Variants in DNAJC19 observed in about 807,000 individuals in gnomAD.
The protein encoded by DNAJC19 is DnaJ heat shock protein family (Hsp40) member C19.
Under a neutral mutation model 19.8 loss-of-function variants are expected in DNAJC19, and 15 were observed. The observed-to-expected ratio is 0.76, with a 90% CI of 0.51 to 1.17. The LOEUF is 1.17. Ranked by LOEUF, DNAJC19 falls within the 50% of genes most tolerant of loss-of-function variation. The pLI, the probability that DNAJC19 is intolerant of heterozygous loss-of-function variation, is 0.00. For synonymous variants in DNAJC19, 38 were observed against 42.1 expected (o/e 0.90, Z 0.38); for missense variants, 105 against 140.9 (o/e 0.75, Z 1.29).
chr3:180,984,921 G>A (rs555681445), intron 5 of DNAJC19, among the ~76,000 whole-genome samples: 3 of 152,188 alleles, frequency 2.0e-5, no homozygotes, highest in South Asian at 2.1e-4. Flanking sequence ...AGTAATTTAC[G>A]TGGGAGATAT....
upstream of DNAJC19, chr3:180,989,812 A>T (rs1181499998): frequency 1.2e-6 from 1 of 821,132 alleles, no homozygotes; most frequent in Non-Finnish European, 2.0e-6. Context: ...TCGCTCAAGC[A>T]GTGGACAGAG....
intron 3 of DNAJC19, chr3:180,987,741 T>C (rs958471408): frequency 1.1e-5 from 5 of 461,732 alleles, no homozygotes; most frequent in Non-Finnish European, 4.0e-6. Context: ...AACAAGAATA[T>C]GTACAGATGA....
At chr3:180,984,854 T>G (rs762279722) in intron 5 of DNAJC19, 144 bp from the exon 6 acceptor site, 12 of 596,592 alleles carry the variant, frequency 2.0e-5, no homozygotes, top group Non-Finnish European at 3.0e-6. Context: ...AAAATAACCC[T>G]GACACTGCAA....
At chr3:180,989,504 T>G (rs1715107093) in intron 1 of DNAJC19, 96 bp downstream of exon 1, 1 of 1,549,898 alleles carries the variant, frequency 6.5e-7, no homozygotes, top group African/African-American at 1.4e-5. Flanking sequence ...GCAGTCGCAC[T>G]AAGGAGCACA....
At chr3:180,984,868 G>A (rs1038058260) in intron 5 of DNAJC19, among the ~76,000 whole-genome samples, 158 bp from the exon 6 acceptor site, 3 of 152,062 alleles carry the variant, frequency 2.0e-5, no homozygotes, top group Non-Finnish European at 4.4e-5. Flanking sequence ...ACTGCAACTG[G>A]ATGACCAAAT....
At chr3:180,986,893 A>T (rs1324307761) in intron 4 of DNAJC19, 50 bp downstream of exon 4, 1 of 1,473,494 alleles carries the variant, frequency 6.8e-7, no homozygotes, top group Non-Finnish European at 9.5e-7. Context: ...ATATTTCCTC[A>T]TGGCTCTACA....
chr3:180,986,707 G>A (rs987912832), intron 4 of DNAJC19: 2 of 517,786 alleles, frequency 3.9e-6, no homozygotes, highest in East Asian at 6.4e-5. Context: ...AAACACTCTA[G>A]GAAAAAAGAA....
Position 180,986,928 on chromosome 3 carries a change from TAGAG to T in DNAJC19, c.209+11_209+14del, listed in dbSNP as rs1714939961. 6.2e-7 allele frequency: 1 copy of T among 1,606,174 alleles called. No individual in the cohort carries two copies. The highest frequency in any genetic ancestry group is 1.3e-5 in the African/African-American group (1 of 74,750). ...AGTGGTAGAAAAATGCTAAAAATAT[TAGAG>T]ATTATTTTACCTTACACCTAGTATT... On this transcript the variant is annotated intron_variant, in intron 4 of 5. Transcript: ENST00000382564.
At chr3:180,986,374 C>T (rs913016288) in intron 4 of DNAJC19, among the ~76,000 whole-genome samples, 10 of 151,872 alleles carry the variant, frequency 6.6e-5, no homozygotes, top group Non-Finnish European at 1.3e-4. Flanking sequence ...CTCGGCCTCC[C>T]GGGTTCAAGC....
chr3:180,989,641 G>A lies in DNAJC19; in HGVS notation c.-39C>T, dbSNP rs972600083. ...CTCCCTTGCTTCCACCGGGAGCACG[G>A]CTCATCCCAGCTCAGAGGCCGCGGC... On this transcript the variant is annotated 5_prime_UTR_variant, in exon 1 of 6. Transcript: ENST00000382564. 3.2e-6 allele frequency: 5 copies of A among 1,578,852 alleles called. No homozygotes were observed. Among genetic ancestry groups the A allele is most frequent in the Admixed American group, 1.8e-5 (1 of 54,984 alleles).
chr3:180,989,230 G>A, intron 1 of DNAJC19: 1 of 989,904 alleles, frequency 1.0e-6, no homozygotes, highest in South Asian at 2.3e-5. Context: ...CAAAGAGAAG[G>A]ACATAGCAAA....
In DNAJC19 at chr3:180,988,104, C is replaced by T; in HGVS notation, c.56-8G>A. Reference sequence around the variant, plus strand: ...CTTGCAAAACGTAACGGCCTAAAACCAAAAGCAACAGAATAAGTAAACTAA... The same window carrying T: ...CTTGCAAAACGTAACGGCCTAAAACTAAAAGCAACAGAATAAGTAAACTAA... On this transcript the variant is annotated splice_region_variant and splice_polypyrimidine_tract_variant and intron_variant, in intron 2 of 5. Transcript: ENST00000382564. The T allele has an allele frequency of 1.2e-6, 2 of 1,614,136 alleles. No individual in the cohort carries two copies. The highest frequency in any genetic ancestry group is 1.7e-6 in the Non-Finnish European group (2 of 1,180,034).
intron 4 of DNAJC19, chr3:180,986,732 C>A (rs116295562): frequency 1.2e-5 from 7 of 565,580 alleles, no homozygotes; most frequent in African/African-American, 9.4e-5. Context: ...TGCTTAAGTG[C>A]TAGTGTGCCT....
chr3:180,989,205 T>C, intron 1 of DNAJC19: 1 of 698,354 alleles, frequency 1.4e-6, no homozygotes, highest in Non-Finnish European at 1.9e-6. Context: ...GGAGAAGACA[T>C]CTGTCAGCAA....
chr3:180,984,895 G>T (rs1394461752), intron 5 of DNAJC19, among the ~76,000 whole-genome samples, 185 bp from the exon 6 acceptor site: 2 of 152,024 alleles, frequency 1.3e-5, no homozygotes. Flanking sequence ...TAATATATGT[G>T]ACCAATGAGA....
At chr3:180,989,740 A>T (rs907183742), upstream of DNAJC19, 4 of 1,427,432 alleles carry the variant, frequency 2.8e-6, no homozygotes, top group Non-Finnish European at 3.8e-6. Flanking sequence ...GCAACACGGC[A>T]GGAGCAGCCG....
At position 180,984,066 on chromosome 3, in the gene DNAJC19, G is replaced by T; in HGVS notation, c.*574C>A. ...CTTTATCATACTATTTTTAATGCAT[G>T]AAATAAAAATGGTTTATATGTACAT... On this transcript the variant is annotated 3_prime_UTR_variant, in exon 6 of 6. Coordinates refer to ENST00000382564, the MANE Select transcript of DNAJC19 (RefSeq NM_145261.4). The T allele has an allele frequency of 2.2e-6, 1 of 453,908 alleles. No individual in the cohort carries two copies. 28.1% of individuals were successfully genotyped at this position (453,908 alleles called of 1,614,324 possible).
chr3:180,983,923 T>C lies in DNAJC19; in HGVS notation c.*717A>G, dbSNP rs1260280381. On this transcript the variant is annotated 3_prime_UTR_variant, in exon 6 of 6. Transcript: ENST00000382564. ...CCTTTAAGGGGCTAGCTGAATACAA[T>C]GTAAATACTCATGCCTGTAATCCCA... The C allele has an allele frequency of 1.5e-5, 7 of 453,842 alleles. No individual in the cohort carries two copies. Among genetic ancestry groups the C allele is most frequent in the African/African-American group, 1.4e-4 (7 of 49,966 alleles). 28.1% of individuals were successfully genotyped at this position (453,842 alleles called of 1,614,324 possible). A position where few individuals can be genotyped will look rare whatever the true frequency, so the allele number is the denominator to read the frequency against.
In DNAJC19 at chr3:180,983,999, G is replaced by A. The variant is rs1162137679; in HGVS notation, c.*641C>T. 2.2e-6 allele frequency: 1 copy of A among 453,756 alleles called. No individual in the cohort carries two copies. Among genetic ancestry groups the A allele is most frequent in the East Asian group, 6.9e-5 (1 of 14,406 alleles). The allele number at this position is 453,756 out of a possible 1,614,324, so 28.1% of individuals were successfully genotyped here. A position where few individuals can be genotyped will look rare whatever the true frequency, so the allele number is the denominator to read the frequency against. ...GACTGCTTAAACCCAGGAGGTTGAG[G>A]CTGCAATGAACTGTGATTGTACCAG... On this transcript the variant is annotated 3_prime_UTR_variant, in exon 6 of 6. Coordinates refer to ENST00000382564, the MANE Select transcript of DNAJC19 (RefSeq NM_145261.4).
Sources: gnomAD v4.1 joint callset for allele counts (sites outside exome capture counted in the v4.1 genomes callset) on GRCh38, gnomAD v4.1.1 for gene constraint, MANE v1.5 for transcripts, NCBI Gene and HGNC (gene_info 2026-07-23, HGNC 2026-07-21) for gene names.